The following LIN7A variants were observed in gnomAD, a reference collection of about 807,000 sequenced individuals.
LIN7A encodes lin-7 cell polarity scaffold A.
A neutral mutation model predicts 29.8 loss-of-function variants in LIN7A; 25 were observed. The observed-to-expected ratio is 0.84, with a 90% confidence interval of 0.61 to 1.17. The LOEUF is 1.17. LIN7A is among the 50% of genes most tolerant of loss of function. The probability of loss-of-function intolerance (pLI) is 0.00; values close to 1 mark genes in which losing one functional copy is unlikely to be tolerated. For synonymous variants in LIN7A, 118 were observed against 107.5 expected, an observed-to-expected ratio of 1.10 and a Z score of -0.60; for missense variants, 239 against 287.0, an observed-to-expected ratio of 0.83 and a Z score of 1.21.
Position 80,801,343 on chromosome 12 carries a change from G to T in LIN7A, c.*1-3617C>A, listed in dbSNP as rs115431688. On this transcript the variant is annotated intron_variant, in intron 5 of 5. Coordinates refer to ENST00000552864, the MANE Select transcript of LIN7A (RefSeq NM_004664.4). Reference sequence around the variant, plus strand: ...AAAACAGCGTTGTGATGAAGGCAGAGGTCAGAGAAATGCAATGTGAGAAGG... The same window carrying T: ...AAAACAGCGTTGTGATGAAGGCAGATGTCAGAGAAATGCAATGTGAGAAGG... Among the ~76,000 whole-genome samples, 465 of 152,256 alleles carry T rather than the reference G, an allele frequency of 3.1e-3. 2 individuals are homozygous for T. The highest frequency in any genetic ancestry group is 0.011 in the African/African-American group (446 of 41,556).
At chr12:80,890,471 C>G (rs1875565371) in intron 1 of LIN7A, among the ~76,000 whole-genome samples, 3 of 152,096 alleles carry the variant, frequency 2.0e-5, no homozygotes, top group Admixed American at 6.6e-5. Context: ...GTATGATACT[C>G]CCTTTCAAAG....
In LIN7A at chr12:80,807,063, GTTTTT is replaced by G. The variant is rs71094991; in HGVS notation, c.*4397_*4401del. Among the ~76,000 whole-genome samples the G allele has an allele frequency of 4.7e-4, 25 of 53,584 alleles. 3 individuals carry two copies. Among genetic ancestry groups the G allele is most frequent in the Middle Eastern group, 8.6e-3 (1 of 116 alleles). 35.2% of individuals were successfully genotyped at this position (53,584 alleles called of 152,430 possible). On this transcript the variant is annotated intron_variant, in intron 5 of 5. Coordinates refer to ENST00000552864, the MANE Select transcript of LIN7A (RefSeq NM_004664.4). ...CCATAGGAAATTTAATGAAGATGGA[GTTTTT>G]TTTTTTTTTTTTTTTTTTTTTTTGA...
At chr12:80,906,240 A>G (rs191904413) in intron 1 of LIN7A, among the ~76,000 whole-genome samples, 2 of 152,180 alleles carry the variant, frequency 1.3e-5, no homozygotes, top group South Asian at 2.1e-4. Flanking sequence ...CAGTCACTCC[A>G]GGTCTTTGAA....
At chr12:80,841,671 T>C (rs1872830336) in intron 4 of LIN7A, 1 of 155,022 alleles carries the variant, frequency 6.5e-6, no homozygotes, top group Non-Finnish European at 1.4e-5. Flanking sequence ...TGAAGATTCT[T>C]ATTAAAATAG....
At chr12:80,827,955 G>A (rs1209281890) in intron 4 of LIN7A, among the ~76,000 whole-genome samples, 1 of 151,668 alleles carries the variant, frequency 6.6e-6, no homozygotes, top group East Asian at 1.9e-4. Context: ...GTTCATTCCT[G>A]CCAGAATTTT....
intron 2 of LIN7A, among the ~76,000 whole-genome samples, chr12:80,853,324 A>G (rs1166026306): frequency 2.3e-5 from 3 of 131,476 alleles, no homozygotes; most frequent in Non-Finnish European, 5.1e-5. Context: ...AGATAGCCTA[A>G]AATAATAGTT....
intron 4 of LIN7A, chr12:80,842,190 T>C: frequency 1.7e-6 from 2 of 1,167,172 alleles, no homozygotes; most frequent in Admixed American, 2.5e-5. Flanking sequence ...TTTATTGATT[T>C]CCCCCCCTTT....
chr12:80,804,762 C>G (rs1211321592), intron 5 of LIN7A, among the ~76,000 whole-genome samples: 4 of 151,914 alleles, frequency 2.6e-5, no homozygotes, highest in Admixed American at 2.6e-4. Flanking sequence ...CCATGTTGGC[C>G]AGGCTGGTCT....
intron 2 of LIN7A, among the ~76,000 whole-genome samples, chr12:80,864,044 A>G (rs1322253837): frequency 6.6e-6 from 1 of 152,184 alleles, no homozygotes; most frequent in Non-Finnish European, 1.5e-5. Flanking sequence ...TTTAAAATAA[A>G]AAGATTTGTT....
intron 1 of LIN7A, among the ~76,000 whole-genome samples, chr12:80,933,226 T>C (rs1367123055): frequency 1.3e-5 from 2 of 152,202 alleles, no homozygotes; most frequent in African/African-American, 4.8e-5. Context: ...AGCAAAAAGC[T>C]GATCTATAGA....
At chr12:80,854,156 A>G (rs1018101972) in intron 2 of LIN7A, among the ~76,000 whole-genome samples, 1 of 152,202 alleles carries the variant, frequency 6.6e-6, no homozygotes, top group Non-Finnish European at 1.5e-5. Context: ...TACAAAAACA[A>G]TATGGAAATA....
In LIN7A at chr12:80,795,182, T is replaced by C. The variant is rs977796098; in HGVS notation, c.*2545A>G. The C allele has an allele frequency of 6.6e-6, 1 of 152,152 alleles. No individual in the cohort carries two copies. The highest frequency in any genetic ancestry group is 2.4e-5 in the African/African-American group (1 of 41,452). The allele number at this position is 152,152 out of a possible 1,614,324, so 9.4% of individuals were successfully genotyped here. On this transcript the variant is annotated 3_prime_UTR_variant, in exon 6 of 6. Coordinates refer to ENST00000552864, the MANE Select transcript of LIN7A (RefSeq NM_004664.4). The stretch of plus-strand genomic sequence containing the variant: ...AAGATAATTAGTATAATACAAGTTG[T>C]GGTAATTTCCTTCTTCTGGCTTCAG...
intron 1 of LIN7A, among the ~76,000 whole-genome samples, chr12:80,919,594 G>A (rs1275483412): frequency 6.6e-6 from 1 of 152,170 alleles, no homozygotes; most frequent in Non-Finnish European, 1.5e-5. Context: ...ACAACGGGGA[G>A]AAGGATAAAA....
intron 5 of LIN7A, among the ~76,000 whole-genome samples, chr12:80,802,978 G>A (rs1870792678): frequency 6.6e-6 from 1 of 151,954 alleles, no homozygotes; most frequent in Non-Finnish European, 1.5e-5. Flanking sequence ...ATTTTTGATT[G>A]GGTTATTTGT....
chr12:80,808,223 A>G (rs1203016749), intron 5 of LIN7A, among the ~76,000 whole-genome samples: 1 of 152,178 alleles, frequency 6.6e-6, no homozygotes, highest in Non-Finnish European at 1.5e-5. Flanking sequence ...CTCATCTGCA[A>G]TGTTACCTCC....
intron 1 of LIN7A, among the ~76,000 whole-genome samples, chr12:80,908,943 AT>A (rs1565924945): frequency 1.3e-5 from 2 of 151,700 alleles, no homozygotes; most frequent in Non-Finnish European, 1.5e-5. Flanking sequence ...TCGTCTTTTA[AT>A]TTTCTTAATG....
chr12:80,874,133 G>A lies in LIN7A; in HGVS notation c.201+15118C>T, dbSNP rs2120519947. Among the ~76,000 whole-genome samples, 2 of 152,206 alleles carry A rather than the reference G, an allele frequency of 1.3e-5. 1 individual carries two copies. Among genetic ancestry groups the A allele is most frequent in the South Asian group, 4.1e-4 (2 of 4,826 alleles). ...GAGTCACTTATTATATGGTGAACAG[G>A]TCCCATGTCAACCATGGGAAAAACA... On this transcript the variant is annotated intron_variant, in intron 2 of 5. Transcript: ENST00000552864.
intron 4 of LIN7A, among the ~76,000 whole-genome samples, chr12:80,836,090 A>C (rs529542549): frequency 6.6e-6 from 1 of 152,328 alleles, no homozygotes; most frequent in South Asian, 2.1e-4. Context: ...CAGATTTCAG[A>C]ATTGATTTCA....
At chr12:80,937,294 A>T in intron 1 of LIN7A, 1 of 246,236 alleles carries the variant, frequency 4.1e-6, no homozygotes, top group Non-Finnish European at 7.7e-6. Flanking sequence ...GCCCCTCTCC[A>T]ACCCCGAGCC....
Sources: allele counts gnomAD v4.1 joint callset (sites outside exome capture counted in the v4.1 genomes callset), GRCh38; gene constraint gnomAD v4.1.1; transcripts MANE v1.5; gene names NCBI Gene and HGNC (gene_info 2026-07-23, HGNC 2026-07-21).